Variants in LRRC7 observed in about 807,000 individuals in gnomAD.
LRRC7 encodes leucine rich repeat containing 7, also known as leucine-rich repeat-containing protein 7.
LRRC7 carries 23 observed loss-of-function variants against 175.7 expected under a neutral mutation model. That is an observed-to-expected ratio of 0.13 (90% CI 0.09 to 0.19). LRRC7 has a LOEUF of 0.19. Ranked by LOEUF, LRRC7 falls within the 10% of genes least tolerant of loss-of-function variation. The pLI is 1.00. For missense variants in LRRC7, 1,354 were observed against 1,904.7 expected (o/e 0.71, Z 5.38); for synonymous variants, 685 against 680.9 (o/e 1.01, Z -0.09).
chr1:70,110,208 G>GT (rs1248776919), intron 26 of LRRC7, among the ~76,000 whole-genome samples: 2 of 151,834 alleles, frequency 1.3e-5, no homozygotes, highest in African/African-American at 2.4e-5. Context: ...AGTGAGACTT[G>GT]GTCTCTACAG....
chr1:69,609,962 T>C (rs781449408), intron 1 of LRRC7, among the ~76,000 whole-genome samples: 8 of 152,074 alleles, frequency 5.3e-5, no homozygotes, highest in Non-Finnish European at 7.4e-5. Context: ...CTATGTCCAA[T>C]CAGCTATCTT....
chr1:70,036,879 A>T (rs1170012948), intron 20 of LRRC7, among the ~76,000 whole-genome samples: 1 of 151,438 alleles, frequency 6.6e-6, no homozygotes, highest in Non-Finnish European at 1.5e-5. Flanking sequence ...TTTAAAAAAT[A>T]AAAAAAAATG....
In LRRC7 at chr1:69,700,427, TC is replaced by T. The variant is rs1663195018; in HGVS notation, c.100+21952del. 3.3e-5 allele frequency among the ~76,000 whole-genome samples: 5 copies of T among 152,326 alleles called. No individual in the cohort carries two copies. In the South Asian group the frequency reaches 1.0e-3, roughly 32 times the overall value. ...TCATATATTGATCTGGCTTTCTTAC[TC>T]CCTTTACTGAAATCTGTATTTTAAC... On this transcript the variant is annotated intron_variant, in intron 2 of 26. Coordinates refer to ENST00000651989, the MANE Select transcript of LRRC7 (RefSeq NM_001370785.2).
intron 7 of LRRC7, among the ~76,000 whole-genome samples, chr1:69,897,280 A>C (rs769868521): frequency 3.0e-4 from 45 of 152,280 alleles, no homozygotes; most frequent in Non-Finnish European, 4.9e-4. Flanking sequence ...TATATATGCT[A>C]TATCATATCA....
chr1:69,739,376 G>T (rs1382594660), intron 2 of LRRC7, among the ~76,000 whole-genome samples: 1 of 152,070 alleles, frequency 6.6e-6, no homozygotes, highest in Admixed American at 6.6e-5. Flanking sequence ...AGGGCTTTCA[G>T]CTGGTCCCCT....
rs1666330408 is a variant in LRRC7, at chr1:70,124,001, C to T, written c.*2114C>T. On this transcript the variant is annotated 3_prime_UTR_variant, in exon 27 of 27. Coordinates refer to ENST00000651989, the MANE Select transcript of LRRC7 (RefSeq NM_001370785.2). Reference sequence around the variant, plus strand: ...TATCAAACCCAGGGCTTCAGGAGATCCTTCTAAGACACACAGCTGAAAGGA... The same window carrying T: ...TATCAAACCCAGGGCTTCAGGAGATTCTTCTAAGACACACAGCTGAAAGGA... 6.6e-6 allele frequency among the ~76,000 whole-genome samples: 1 copy of T among 152,140 alleles called. No homozygotes were observed.
intron 6 of LRRC7, 96 bp from the exon 7 acceptor site, chr1:69,838,131 C>T (rs1681323265): frequency 1.0e-5 from 7 of 692,822 alleles, no homozygotes; most frequent in East Asian, 8.4e-5. Context: ...TATTGTTAAC[C>T]ATAGTAACCC....
intron 8 of LRRC7, among the ~76,000 whole-genome samples, chr1:69,979,760 G>A (rs1439410455): frequency 6.6e-6 from 1 of 152,032 alleles, no homozygotes; most frequent in Non-Finnish European, 1.5e-5. Context: ...GTAGCTTGGG[G>A]ACTGATTTTT....
At chr1:70,076,347 C>A in intron 24 of LRRC7, 49 bp downstream of exon 24, 1 of 1,555,226 alleles carries the variant, frequency 6.4e-7, no homozygotes, top group East Asian at 2.3e-5. Flanking sequence ...AAGAAAAGTC[C>A]AAAGAATCCA....
intron 8 of LRRC7, among the ~76,000 whole-genome samples, chr1:69,950,064 A>C (rs1649759031): frequency 2.0e-5 from 3 of 151,390 alleles, no homozygotes; most frequent in Non-Finnish European, 2.9e-5. Context: ...GAATCAGCTT[A>C]CTCTTTTTCC....
At chr1:69,771,200 T>C (rs1672206450) in intron 3 of LRRC7, among the ~76,000 whole-genome samples, 1 of 152,228 alleles carries the variant, frequency 6.6e-6, no homozygotes, top group Non-Finnish European at 1.5e-5. Flanking sequence ...AATGCCATTA[T>C]TTCTTTCAAT....
chr1:69,788,027 T>C (rs1320035662), intron 3 of LRRC7, among the ~76,000 whole-genome samples: 2 of 151,940 alleles, frequency 1.3e-5, no homozygotes, highest in Non-Finnish European at 2.9e-5. Flanking sequence ...TTTTTCACTC[T>C]TCACTCAAAG....
intron 18 of LRRC7, among the ~76,000 whole-genome samples, chr1:70,034,691 G>A (rs1227295155): frequency 2.0e-5 from 3 of 152,158 alleles, no homozygotes; most frequent in African/African-American, 2.4e-5. Context: ...CTGGATCTTC[G>A]TCTAATCATC....
chr1:69,948,478 C>T (rs936982503), intron 8 of LRRC7, among the ~76,000 whole-genome samples: 1 of 152,052 alleles, frequency 6.6e-6, no homozygotes, highest in African/African-American at 2.4e-5. Context: ...GTGGATTTTC[C>T]CCTACCCCAG....
chr1:69,998,607 C>CA (rs35269139), intron 11 of LRRC7, among the ~76,000 whole-genome samples: 104,171 of 151,982 alleles, frequency 0.69, 36,760 homozygotes, highest in African/African-American at 0.87. Flanking sequence ...GGTCAATACT[C>CA]GGGGAAACTG....
chr1:69,622,599 C>G (rs1650804168), intron 1 of LRRC7, among the ~76,000 whole-genome samples: 2 of 152,014 alleles, frequency 1.3e-5, no homozygotes, highest in African/African-American at 4.8e-5. Context: ...AACACAAGAC[C>G]TGAGGTAATG....
At chr1:70,002,292 C>A (rs571644493) in intron 11 of LRRC7, among the ~76,000 whole-genome samples, 20 of 152,292 alleles carry the variant, frequency 1.3e-4, no homozygotes, top group African/African-American at 4.6e-4. Context: ...TCTCTATGGG[C>A]ATCAGAATCC....
At chr1:69,973,013 ATAC>A in intron 8 of LRRC7, among the ~76,000 whole-genome samples, 1 of 145,054 alleles carries the variant, frequency 6.9e-6, no homozygotes, top group East Asian at 2.0e-4. Context: ...TACTATATAT[ATAC>A]TATATATAAA....
intron 8 of LRRC7, among the ~76,000 whole-genome samples, chr1:69,956,707 A>C (rs1167891426): frequency 6.6e-6 from 1 of 151,760 alleles, no homozygotes; most frequent in Non-Finnish European, 1.5e-5. Context: ...AATGTATTGT[A>C]AAAATAGGAT....
Sources: gnomAD v4.1 joint callset for allele counts (sites outside exome capture counted in the v4.1 genomes callset) on GRCh38, gnomAD v4.1.1 for gene constraint, MANE v1.5 for transcripts, NCBI Gene and HGNC (gene_info 2026-07-23, HGNC 2026-07-21) for gene names.